DAB1: variants seen among roughly 807,000 people sequenced by gnomAD.
DAB1 encodes the protein DAB adaptor protein 1, also known as disabled homolog 1.
A neutral mutation model predicts 64.6 loss-of-function variants in DAB1; 15 were observed. That is an observed-to-expected ratio of 0.23 (90% CI 0.16 to 0.36). The LOEUF (loss-of-function observed/expected upper bound fraction) is 0.36, where lower values mean the gene tolerates loss of function less well. Among genes scored for constraint, DAB1 ranks in the 10% least tolerant of loss-of-function variants. DAB1 has a pLI of 1.00. For missense variants in DAB1, 596 were observed against 706.7 expected (o/e 0.84, Z 1.78); for synonymous variants, 235 against 251.9 (o/e 0.93, Z 0.64).
At chr1:57,526,473 AG>A (rs1644595058) in intron 7 of DAB1, among the ~76,000 whole-genome samples, 1 of 152,166 alleles carries the variant, frequency 6.6e-6, no homozygotes, top group African/African-American at 2.4e-5. Context: ...ACTCTATCCA[AG>A]AAGGTCTATG....
intron 3 of DAB1, among the ~76,000 whole-genome samples, chr1:58,463,128 G>T (rs1036595341): frequency 6.6e-6 from 1 of 152,218 alleles, no homozygotes; most frequent in African/African-American, 2.4e-5. Flanking sequence ...TTCCAGCCAA[G>T]AAATTAAAAG....
chr1:57,210,833 T>C (rs1665943123), intron 2 of DAB1, among the ~76,000 whole-genome samples: 1 of 152,164 alleles, frequency 6.6e-6, no homozygotes, highest in African/African-American at 2.4e-5. Flanking sequence ...CCAGATGAAA[T>C]AGTTTTCACT....
chr1:57,625,388 G>C (rs1645910181), intron 7 of DAB1, among the ~76,000 whole-genome samples: 1 of 152,056 alleles, frequency 6.6e-6, no homozygotes, highest in Non-Finnish European at 1.5e-5. Context: ...TATAGGGACA[G>C]GCCAGCCACT....
At chr1:57,271,866 G>A (rs1052442368) in intron 2 of DAB1, among the ~76,000 whole-genome samples, 2 of 152,186 alleles carry the variant, frequency 1.3e-5, no homozygotes, top group African/African-American at 4.8e-5. Flanking sequence ...CTCTTGAATA[G>A]ACTATAGGTG....
intron 2 of DAB1, among the ~76,000 whole-genome samples, chr1:57,150,689 G>C (rs1659571719): frequency 6.6e-6 from 1 of 152,160 alleles, no homozygotes; most frequent in Admixed American, 6.5e-5. Flanking sequence ...GAGGAGAGAT[G>C]GCATTTGAGT....
At chr1:58,255,578 G>GA (rs991665030) in intron 4 of DAB1, among the ~76,000 whole-genome samples, 11 of 152,144 alleles carry the variant, frequency 7.2e-5, no homozygotes, top group African/African-American at 2.6e-4. Context: ...CAAACATATG[G>GA]AAAAAATAAA....
In DAB1 at chr1:57,132,598, T is replaced by A. The variant is rs576926938; in HGVS notation, c.306+3945A>T. On this transcript the variant is annotated intron_variant, in intron 4 of 14. Coordinates refer to ENST00000371236, the MANE Select transcript of DAB1 (RefSeq NM_001365792.1). ...GCATTTCACATTTTGGATTTTTGGA[T>A]TTAGGATGCTCAGCTGGTAAGTAAA... 3.3e-5 allele frequency among the ~76,000 whole-genome samples: 5 copies of A among 152,312 alleles called. No individual in the cohort carries two copies. In the East Asian group the frequency reaches 9.7e-4, roughly 29 times the overall value.
intron 2 of DAB1, among the ~76,000 whole-genome samples, chr1:58,519,041 T>C (rs1320552175): frequency 6.6e-6 from 1 of 152,200 alleles, no homozygotes; most frequent in Non-Finnish European, 1.5e-5. Flanking sequence ...CTACACTTAT[T>C]GCTCGCTTCT....
intron 1 of DAB1, among the ~76,000 whole-genome samples, chr1:57,403,502 T>C (rs1683406808): frequency 6.6e-6 from 1 of 152,186 alleles, no homozygotes; most frequent in African/African-American, 2.4e-5. Flanking sequence ...AGCTAGACTT[T>C]TGTCATTAAC....
intron 4 of DAB1, among the ~76,000 whole-genome samples, chr1:58,332,570 G>C (rs1056391969): frequency 6.6e-6 from 1 of 152,156 alleles, no homozygotes; most frequent in Admixed American, 6.5e-5. Context: ...AATACTTGTT[G>C]TTAAAAATTG....
intron 6 of DAB1, among the ~76,000 whole-genome samples, chr1:57,761,638 C>G (rs115210789): frequency 6.6e-6 from 1 of 152,204 alleles, no homozygotes; most frequent in East Asian, 1.9e-4. Flanking sequence ...CCTCTAAATA[C>G]GAGCAGCCCA....
chr1:57,259,781 T>G (rs149001869), intron 2 of DAB1, among the ~76,000 whole-genome samples: 245 of 152,344 alleles, frequency 1.6e-3, no homozygotes, highest in African/African-American at 5.7e-3. Context: ...TCTGAGCTTC[T>G]GCAACCCTGA....
intron 4 of DAB1, among the ~76,000 whole-genome samples, chr1:58,269,199 A>C (rs1219666652): frequency 7.1e-6 from 1 of 139,944 alleles, no homozygotes; most frequent in East Asian, 2.2e-4. Context: ...AGAGTGTGAT[A>C]TTCCCCTTCC....
chr1:58,184,127 C>T (rs1656943158), intron 4 of DAB1, among the ~76,000 whole-genome samples: 1 of 151,890 alleles, frequency 6.6e-6, no homozygotes, highest in Non-Finnish European at 1.5e-5. Context: ...GTAGAGAAGT[C>T]CTGTACTTGT....
chr1:57,416,178 G>T (rs1014344076), intron 1 of DAB1, among the ~76,000 whole-genome samples: 3 of 152,096 alleles, frequency 2.0e-5, no homozygotes, highest in Admixed American at 2.0e-4. Flanking sequence ...CATAATATAT[G>T]AATATAGTCT....
chr1:58,282,190 G>C (rs776762991), intron 4 of DAB1, among the ~76,000 whole-genome samples: 8 of 152,122 alleles, frequency 5.3e-5, no homozygotes, highest in Non-Finnish European at 1.2e-4. Context: ...TTCTTCCCCA[G>C]AGAAGCCTTC....
At chr1:57,520,977 A>T (rs1238476176) in intron 7 of DAB1, among the ~76,000 whole-genome samples, 4 of 152,118 alleles carry the variant, frequency 2.6e-5, no homozygotes, top group African/African-American at 7.2e-5. Context: ...CAGGAACTAG[A>T]AGAAACCACA....
intron 3 of DAB1, among the ~76,000 whole-genome samples, chr1:58,501,330 A>G (rs764058940): frequency 6.9e-4 from 105 of 152,204 alleles, no homozygotes; most frequent in Non-Finnish European, 1.3e-3. Flanking sequence ...ACAATATATT[A>G]TGCTAAAATG....
At chr1:58,484,062 C>T (rs1042833289) in intron 3 of DAB1, among the ~76,000 whole-genome samples, 7 of 152,196 alleles carry the variant, frequency 4.6e-5, no homozygotes, top group Non-Finnish European at 8.8e-5. Flanking sequence ...AGTAAAAACT[C>T]TTCTCTTATC....
Sources: gnomAD v4.1 joint callset for allele counts (sites outside exome capture counted in the v4.1 genomes callset) on GRCh38, gnomAD v4.1.1 for gene constraint, MANE v1.5 for transcripts, NCBI Gene and HGNC (gene_info 2026-07-23, HGNC 2026-07-21) for gene names.